The following KLHL7 variants were observed in gnomAD, a reference collection of about 807,000 sequenced individuals.
The protein encoded by KLHL7 is kelch-like protein 7.
In KLHL7, 44 loss-of-function variants were observed where a neutral mutation model predicts 67.4. The observed-to-expected ratio is 0.65, with a 90% CI of 0.51 to 0.84. KLHL7 has a LOEUF of 0.84. KLHL7 is among the 40% of genes least tolerant of loss of function. The pLI is 0.00. For missense variants in KLHL7, 362 were observed against 718.1 expected, an observed-to-expected ratio of 0.50 and a Z score of 5.67; for synonymous variants, 252 against 243.3, an observed-to-expected ratio of 1.04 and a Z score of -0.33.
Position 23,132,492 on chromosome 7 carries a change from T to C in KLHL7, c.442+7320T>C, listed in dbSNP as rs1169235653. Among the ~76,000 whole-genome samples, 7 of 152,334 alleles carry C rather than the reference T, an allele frequency of 4.6e-5. No homozygotes were observed. The South Asian group carries it at 1.5e-3, about 32-fold the overall frequency. ...TCAAATCTTTTGCCCATTTTTTCAT[T>C]GGCTTTATTAGATTTTTTTCTTATA... On this transcript the variant is annotated intron_variant, in intron 4 of 10. Coordinates refer to ENST00000339077, the MANE Select transcript of KLHL7 (RefSeq NM_001031710.3).
chr7:23,117,980 G>T (rs1218348327), intron 1 of KLHL7: 2 of 1,613,858 alleles, frequency 1.2e-6, no homozygotes, highest in Non-Finnish European at 1.7e-6. Context: ...TCATTCCTCA[G>T]TCTTCTCTTT....
At chr7:23,144,403 C>T (rs1036885417) in intron 6 of KLHL7, among the ~76,000 whole-genome samples, 2 of 152,172 alleles carry the variant, frequency 1.3e-5, no homozygotes, top group Non-Finnish European at 2.9e-5. Flanking sequence ...ATTGCCACAT[C>T]GTTTTCATTT....
At position 23,165,820 on chromosome 7, in the gene KLHL7, C is replaced by T; in HGVS notation, c.1059C>T (p.Asp353=). The change falls in exon 8 of 11, where the codon GAC becomes GAT. Residue 353 remains aspartate (D), a synonymous_variant. Transcript: ENST00000339077. ...GSQLFPIKRM[D]CYNVVKDSWY... The stretch of plus-strand genomic sequence containing the variant: ...AGCTTTTCCCAATAAAGCGAATGGA[C>T]TGCTATAATGTAGTGAAGGATAGCT... 1 of 1,614,188 alleles carries T rather than the reference C, an allele frequency of 6.2e-7. No individual in the cohort carries two copies.
At chr7:23,138,459 C>G (rs866389037) in intron 4 of KLHL7, among the ~76,000 whole-genome samples, 1 of 80,454 alleles carries the variant, frequency 1.2e-5, no homozygotes, top group African/African-American at 5.5e-5. Flanking sequence ...AAGACTCCAT[C>G]TTAAAAAAAA....
At chr7:23,169,648 T>A (rs967745518) in intron 9 of KLHL7, among the ~76,000 whole-genome samples, 1 of 152,214 alleles carries the variant, frequency 6.6e-6, no homozygotes, top group African/African-American at 2.4e-5. Flanking sequence ...CAATGTAAAT[T>A]AATATTGATT....
rs5882884 is a variant in KLHL7 at position 23,128,135 on chromosome 7, G to GAA, written c.442+2975_442+2976dup. ...ACTACAGAGTGAGACTCTGTCTCAA[G>GAA]AAAAAAAAAAAAAGCAAACTTAAAA... is the stretch of plus-strand genomic sequence containing the variant. On this transcript the variant is annotated intron_variant, in intron 4 of 10. Transcript: ENST00000339077. 2.6e-3 allele frequency among the ~76,000 whole-genome samples: 353 copies of GAA among 134,254 alleles called. 1 individual carries two copies. The highest frequency in any genetic ancestry group is 7.8e-3 in the African/African-American group (292 of 37,600). The allele number at this position is 134,254 out of a possible 152,430, so 88.1% of individuals were successfully genotyped here.
intron 8 of KLHL7, 147 bp downstream of exon 8, chr7:23,166,085 C>G (rs761906366): frequency 2.9e-5 from 28 of 957,874 alleles, no homozygotes; most frequent in Non-Finnish European, 4.5e-5. Context: ...TAGAGCTCAT[C>G]TCCCTGAAGG....
chr7:23,140,597 T>A, intron 4 of KLHL7, 172 bp from the exon 5 acceptor site: 1 of 707,736 alleles, frequency 1.4e-6, no homozygotes, highest in Non-Finnish European at 2.5e-6. Flanking sequence ...AACCAGTCTT[T>A]TATAAGACAG....
chr7:23,127,343 G>C (rs934866975), intron 4 of KLHL7, among the ~76,000 whole-genome samples: 1 of 152,124 alleles, frequency 6.6e-6, no homozygotes, highest in South Asian at 2.1e-4. Context: ...TATCCTTACT[G>C]TTCACAAAGC....
rs1562591241 is a variant in KLHL7, at chr7:23,165,826, T to C, written c.1065T>C (p.Tyr355=). ...TCCCAATAAAGCGAATGGACTGCTA[T>C]AATGTAGTGAAGGATAGCTGGTATT... ...QLFPIKRMDC[Y]NVVKDSWYSK... Residue 355 remains tyrosine (Y), a synonymous_variant, in exon 8 of 11, where the codon TAT becomes TAC. Coordinates refer to ENST00000339077, the MANE Select transcript of KLHL7 (RefSeq NM_001031710.3). 7 of 1,614,190 alleles carry C rather than the reference T, an allele frequency of 4.3e-6. No homozygotes were observed. Among genetic ancestry groups the C allele is most frequent in the East Asian group, 2.2e-5 (1 of 44,890 alleles).
intron 4 of KLHL7, among the ~76,000 whole-genome samples, chr7:23,139,708 T>C (rs1784111539): frequency 6.6e-6 from 1 of 152,122 alleles, no homozygotes; most frequent in Non-Finnish European, 1.5e-5. Context: ...GATAATGAAT[T>C]GAAAAAAAGT....
intron 9 of KLHL7, among the ~76,000 whole-genome samples, chr7:23,170,583 C>T (rs1171960163): frequency 6.6e-6 from 1 of 152,196 alleles, no homozygotes; most frequent in Non-Finnish European, 1.5e-5. Context: ...ATGTTCCCAA[C>T]ACAAAGAAAA....
chr7:23,118,464 A>C (rs900780039), intron 1 of KLHL7, among the ~76,000 whole-genome samples: 1 of 152,156 alleles, frequency 6.6e-6, no homozygotes, highest in South Asian at 2.1e-4. Flanking sequence ...CAGAGGAGCA[A>C]CCCTGCCCCA....
chr7:23,173,307 A>G (rs1785219024), intron 10 of KLHL7, among the ~76,000 whole-genome samples: 1 of 152,184 alleles, frequency 6.6e-6, no homozygotes. Flanking sequence ...CTCCTGGGGA[A>G]TGATGTCGCA....
intron 1 of KLHL7, among the ~76,000 whole-genome samples, chr7:23,112,891 T>C (rs1041867992): frequency 2.0e-5 from 3 of 152,094 alleles, no homozygotes; most frequent in Non-Finnish European, 4.4e-5. Flanking sequence ...ATGGGAAAGA[T>C]ATAGGTGTCT....
intron 4 of KLHL7, 60 bp from the exon 5 acceptor site, chr7:23,140,709 A>C: frequency 1.4e-6 from 2 of 1,382,782 alleles, no homozygotes; most frequent in Non-Finnish European, 2.0e-6. Context: ...TTCATCTTGA[A>C]TGTATACTTG....
chr7:23,125,654 G>C (rs1783540084), intron 4 of KLHL7: 1 of 1,339,464 alleles, frequency 7.5e-7, no homozygotes, highest in Admixed American at 3.0e-5. Flanking sequence ...TCAAAATGCT[G>C]TTTTATACTA....
At position 23,164,360 on chromosome 7, in the gene KLHL7, A is replaced by T. The variant is rs1248440265; in HGVS notation, c.937-1338A>T. 1.6e-4 allele frequency among the ~76,000 whole-genome samples: 24 copies of T among 152,226 alleles called. 1 individual carries two copies. The highest frequency in any genetic ancestry group is 1.6e-3 in the Admixed American group (24 of 15,278). Reference sequence around the variant, plus strand: ...CTGATTAGATAGGTATTATGAGTAGATATGAAGAACATTTAAGAGAATGAT... The same window carrying T: ...CTGATTAGATAGGTATTATGAGTAGTTATGAAGAACATTTAAGAGAATGAT... On this transcript the variant is annotated intron_variant, in intron 7 of 10. Transcript: ENST00000339077.
chr7:23,144,946 A>AAG (rs1401358017), intron 6 of KLHL7, among the ~76,000 whole-genome samples: 1 of 151,638 alleles, frequency 6.6e-6, no homozygotes, highest in Non-Finnish European at 1.5e-5. Flanking sequence ...AAAAAAAAAA[A>AAG]ACCTAGCCGG....
Sources: allele counts gnomAD v4.1 joint callset (sites outside exome capture counted in the v4.1 genomes callset), GRCh38; gene constraint gnomAD v4.1.1; transcripts MANE v1.5; gene names NCBI Gene and HGNC (gene_info 2026-07-23, HGNC 2026-07-21).